Variants in DACH2 observed in about 807,000 individuals in gnomAD.
DACH2 encodes the protein dachshund family transcription factor 2, also known as dachshund homolog 2.
DACH2 carries 17 observed loss-of-function variants against 35.8 expected under a neutral mutation model. The ratio of observed to expected loss-of-function variants is 0.48; its 90% CI spans 0.33 to 0.71. DACH2 has a LOEUF of 0.71. Ranked by LOEUF, DACH2 falls within the 30% of genes least tolerant of loss-of-function variation. The probability of loss-of-function intolerance (pLI) is 0.02; values close to 1 mark genes in which losing one functional copy is unlikely to be tolerated. For synonymous variants in DACH2, 195 were observed against 177.3 expected (o/e 1.10, Z -0.79); for missense variants, 469 against 472.7 (o/e 0.99, Z 0.07).
intron 3 of DACH2, among the ~76,000 whole-genome samples, chrX:86,575,819 G>C (rs748933443): frequency 9.0e-6 from 1 of 111,349 alleles, no homozygotes; most frequent in East Asian, 2.9e-4. Flanking sequence ...TAGTCCCATG[G>C]TCATAGATGG....
At chrX:86,204,215 T>G (rs1235027135) in intron 1 of DACH2, among the ~76,000 whole-genome samples, 2 of 112,015 alleles carry the variant, frequency 1.8e-5, no homozygotes, top group Non-Finnish European at 3.8e-5. Flanking sequence ...GCTTTCTTCA[T>G]TGTTCTCTCC....
At chrX:86,735,032 A>T (rs1460730431) in intron 6 of DACH2, among the ~76,000 whole-genome samples, 2 of 112,019 alleles carry the variant, frequency 1.8e-5, no homozygotes, top group Non-Finnish European at 3.8e-5. Context: ...TTACAATGAG[A>T]GTTGAAGTCA....
At chrX:86,818,584 C>A (rs1428671429) in intron 11 of DACH2, among the ~76,000 whole-genome samples, 2 of 111,152 alleles carry the variant, frequency 1.8e-5, no homozygotes, top group Non-Finnish European at 3.8e-5. Flanking sequence ...TTTTTTGTGA[C>A]ATTTTGATAC....
At chrX:86,745,461 T>C in intron 7 of DACH2, among the ~76,000 whole-genome samples, 1 of 110,945 alleles carries the variant, frequency 9.0e-6, no homozygotes, top group Middle Eastern at 4.6e-3. Context: ...GTTCTTTTCT[T>C]TGTTTCTATG....
At chrX:86,663,423 A>G (rs763426548) in intron 4 of DACH2, among the ~76,000 whole-genome samples, 1 of 112,161 alleles carries the variant, frequency 8.9e-6, no homozygotes, top group East Asian at 2.8e-4. Context: ...AATGCAAAGC[A>G]TAAAGTTAAT....
chrX:86,697,116 T>G (rs140047898), intron 5 of DACH2, among the ~76,000 whole-genome samples: 193 of 111,625 alleles, frequency 1.7e-3, no homozygotes, highest in African/African-American at 5.9e-3. Context: ...TAAAAATCAC[T>G]TGTGAAAGTC....
At chrX:86,768,700 T>C (rs140674813) in intron 7 of DACH2, among the ~76,000 whole-genome samples, 126 of 111,243 alleles carry the variant, frequency 1.1e-3, no homozygotes, top group African/African-American at 4.0e-3. Context: ...CTTAAAAGGG[T>C]ATGTTGCATG....
intron 1 of DACH2, among the ~76,000 whole-genome samples, chrX:86,288,226 A>G (rs930145538): frequency 9.0e-6 from 1 of 110,890 alleles, no homozygotes; most frequent in Non-Finnish European, 1.9e-5. Flanking sequence ...CTCCCTTACT[A>G]TCTCCCAAGA....
In DACH2 at chrX:86,714,738, G is replaced by T; in HGVS notation, c.1104+18G>T. 8.8e-7 allele frequency: 1 copy of T among 1,133,482 alleles called. No homozygotes were observed. Among genetic ancestry groups the T allele is most frequent in the Non-Finnish European group, 1.2e-6 (1 of 845,550 alleles). The allele number at this position is 1,133,482 out of a possible 1,213,427, so 93.4% of individuals were successfully genotyped here. ...TTATAAAGGTAAGAATCGTGATTTA[G>T]AAAAGGACAAAGGTGTCAATTTCAT... On this transcript the variant is annotated intron_variant, in intron 6 of 11. Transcript: ENST00000373125.
At chrX:86,416,447 G>C (rs928017445) in intron 2 of DACH2, among the ~76,000 whole-genome samples, 2 of 111,386 alleles carry the variant, frequency 1.8e-5, no homozygotes, top group Admixed American at 9.5e-5. Context: ...TGTGTGTGTG[G>C]GCACACACAT....
intron 3 of DACH2, among the ~76,000 whole-genome samples, chrX:86,520,413 C>G (rs2038535358): frequency 2.7e-5 from 3 of 111,443 alleles, no homozygotes; most frequent in Non-Finnish European, 5.7e-5. Flanking sequence ...AAAGTTCTAT[C>G]AGACCCAGTT....
chrX:86,175,398 T>A (rs1426135020), intron 1 of DACH2, among the ~76,000 whole-genome samples: 2 of 111,297 alleles, frequency 1.8e-5, no homozygotes, highest in African/African-American at 3.3e-5. Flanking sequence ...AAAGTTTGAG[T>A]GGCATGTGTT....
chrX:86,374,102 A>G (rs1294108645), intron 1 of DACH2, among the ~76,000 whole-genome samples: 2 of 110,413 alleles, frequency 1.8e-5, no homozygotes, highest in African/African-American at 6.6e-5. Context: ...CTGTTTCTCT[A>G]TATTATTAAA....
chrX:86,190,312 C>A (rs984615116), intron 1 of DACH2, among the ~76,000 whole-genome samples: 42 of 111,653 alleles, frequency 3.8e-4, no homozygotes, highest in African/African-American at 1.3e-3. Flanking sequence ...TTGTTCTTTT[C>A]GTGGTTACAG....
At chrX:86,387,933 A>C (rs1319903779) in intron 2 of DACH2, among the ~76,000 whole-genome samples, 1 of 112,559 alleles carries the variant, frequency 8.9e-6, no homozygotes, top group Non-Finnish European at 1.9e-5. Flanking sequence ...ATGCAAAAAA[A>C]GCCCCCAAAC....
intron 5 of DACH2, among the ~76,000 whole-genome samples, chrX:86,701,375 C>A (rs2041140721): frequency 9.0e-6 from 1 of 111,404 alleles, no homozygotes; most frequent in Admixed American, 9.6e-5. Flanking sequence ...ATAATAAGAG[C>A]CATCTCTGAC....
intron 3 of DACH2, among the ~76,000 whole-genome samples, chrX:86,573,172 G>A (rs2148333617): frequency 9.0e-6 from 1 of 110,593 alleles, no homozygotes; most frequent in Non-Finnish European, 1.9e-5. Flanking sequence ...GAGGAAAGGG[G>A]GAAAGGGATA....
At chrX:86,412,101 T>C (rs1207364950) in intron 2 of DACH2, among the ~76,000 whole-genome samples, 1 of 111,606 alleles carries the variant, frequency 9.0e-6, no homozygotes, top group Non-Finnish European at 1.9e-5. Context: ...ACACTGTAAC[T>C]GCCTTCTTAG....
chrX:86,249,769 C>T (rs1466883584), intron 1 of DACH2, among the ~76,000 whole-genome samples: 2 of 111,615 alleles, frequency 1.8e-5, no homozygotes, highest in Non-Finnish European at 3.8e-5. Flanking sequence ...CATCACAGCA[C>T]TATTCACAAT....
Sources: gnomAD v4.1 joint callset for allele counts (sites outside exome capture counted in the v4.1 genomes callset) on GRCh38, gnomAD v4.1.1 for gene constraint, MANE v1.5 for transcripts, NCBI Gene and HGNC (gene_info 2026-07-23, HGNC 2026-07-21) for gene names.